HDAC9: variants seen among roughly 807,000 people sequenced by gnomAD.
HDAC9 encodes the protein MEF-2 interacting transcription repressor (MITR) protein.
A neutral mutation model predicts 139.4 loss-of-function variants in HDAC9; 41 were observed. The ratio of observed to expected loss-of-function variants is 0.29; its 90% CI spans 0.23 to 0.38. The LOEUF (loss-of-function observed/expected upper bound fraction) is 0.38. Among genes scored for constraint, HDAC9 ranks in the 10% least tolerant of loss-of-function variants. The probability of loss-of-function intolerance (pLI) is 1.00; values close to 1 mark genes in which losing one functional copy is unlikely to be tolerated. For synonymous variants in HDAC9, 517 were observed against 476.2 expected (o/e 1.09, Z -1.12); for missense variants, 1,147 against 1,297.0 (o/e 0.88, Z 1.78).
chr7:18,886,716 T>C (rs1018364654), intron 22 of HDAC9, among the ~76,000 whole-genome samples: 1 of 152,176 alleles, frequency 6.6e-6, no homozygotes, highest in Non-Finnish European at 1.5e-5. Context: ...TTTACAGACT[T>C]CCAGTGACTG....
At chr7:18,726,454 C>T (rs1481738399) in intron 12 of HDAC9, among the ~76,000 whole-genome samples, 1 of 152,142 alleles carries the variant, frequency 6.6e-6, no homozygotes, top group African/African-American at 2.4e-5. Flanking sequence ...GAAGCAGAAG[C>T]AGAAGAGCAC....
At chr7:18,902,366 G>C (rs140257252) in intron 22 of HDAC9, among the ~76,000 whole-genome samples, 1 of 152,086 alleles carries the variant, frequency 6.6e-6, no homozygotes, top group African/African-American at 2.4e-5. Flanking sequence ...ATCTGTGGAG[G>C]GGTAGGGGAA....
intron 2 of HDAC9, among the ~76,000 whole-genome samples, chr7:18,186,219 T>C (rs1299298609): frequency 1.3e-5 from 2 of 152,190 alleles, no homozygotes; most frequent in East Asian, 3.8e-4. Context: ...GGTAACAAGG[T>C]AGCGCTAACC....
At chr7:18,938,357 A>G (rs1781796135) in intron 23 of HDAC9, among the ~76,000 whole-genome samples, 1 of 151,618 alleles carries the variant, frequency 6.6e-6, no homozygotes, top group Non-Finnish European at 1.5e-5. Context: ...GCACTTTGGG[A>G]GGCCGAGGCG....
intron 6 of HDAC9, among the ~76,000 whole-genome samples, chr7:18,603,721 T>C (rs1834612910): frequency 6.6e-6 from 1 of 152,130 alleles, no homozygotes; most frequent in Non-Finnish European, 1.5e-5. Context: ...TAAAAGATTT[T>C]CTTTTACCTT....
At chr7:18,896,205 A>G (rs990522992) in intron 22 of HDAC9, among the ~76,000 whole-genome samples, 5 of 152,102 alleles carry the variant, frequency 3.3e-5, no homozygotes, top group Non-Finnish European at 7.4e-5. Context: ...ATGGACAAAT[A>G]TTTATATTTA....
At chr7:18,785,483 G>C (rs1422468213) in intron 16 of HDAC9, among the ~76,000 whole-genome samples, 1 of 152,102 alleles carries the variant, frequency 6.6e-6, no homozygotes, top group East Asian at 1.9e-4. Flanking sequence ...CTGTCATTGA[G>C]ATCCACTGCT....
chr7:18,732,732 TGTATGTGTGCGTATGTGTACACACAC>T lies in HDAC9; in HGVS notation c.1909+4978_1909+5003del, dbSNP rs1562892373. Among the ~76,000 whole-genome samples, 45 of 103,840 alleles carry T rather than the reference TGTATGTGTGCGTATGTGTACACACAC, an allele frequency of 4.3e-4. 2 individuals are homozygous for T. The highest frequency in any genetic ancestry group is 9.8e-4 in the African/African-American group (19 of 19,318). 68.1% of individuals were successfully genotyped at this position (103,840 alleles called of 152,430 possible). On this transcript the variant is annotated intron_variant, in intron 13 of 25. Transcript: ENST00000686413. ...GTGCGTATGTGTACACACACACACG[TGTATGTGTGCGTATGTGTACACACAC>T]GTGTATGTGTGCGTATGTGTACACA...
At chr7:18,361,908 A>G (rs967730732) in intron 1 of HDAC9, among the ~76,000 whole-genome samples, 5 of 151,858 alleles carry the variant, frequency 3.3e-5, no homozygotes, top group Non-Finnish European at 7.4e-5. Context: ...TTTTCCTCCA[A>G]GTGTTCCTTA....
chr7:18,105,802 T>C (rs552006289), intron 1 of HDAC9, among the ~76,000 whole-genome samples: 8 of 152,238 alleles, frequency 5.3e-5, no homozygotes, highest in African/African-American at 1.9e-4. Flanking sequence ...CCATTTATAA[T>C]AGCCAGAAAG....
intron 22 of HDAC9, among the ~76,000 whole-genome samples, chr7:18,906,588 G>A (rs1802283354): frequency 1.3e-5 from 2 of 152,150 alleles, no homozygotes; most frequent in South Asian, 4.1e-4. Flanking sequence ...TCTATGGTGG[G>A]GAAAATGATG....
chr7:18,656,863 C>T (rs1245339034), intron 11 of HDAC9, among the ~76,000 whole-genome samples: 1 of 152,114 alleles, frequency 6.6e-6, no homozygotes, highest in Admixed American at 6.6e-5. Flanking sequence ...AACCTCCAGA[C>T]TGTTCTCCAT....
intron 21 of HDAC9, among the ~76,000 whole-genome samples, chr7:18,859,850 A>ATGTGTGTGTGTGTGTGTGTGTG (rs1157775071): frequency 6.5e-5 from 8 of 123,416 alleles, no homozygotes; most frequent in South Asian, 5.0e-4. Flanking sequence ...ATATATATAT[A>ATGTGTGTGTGTGTGTGTGTGTG]TATATATATG....
intron 22 of HDAC9, among the ~76,000 whole-genome samples, chr7:18,918,044 G>A (rs569876522): frequency 1.5e-3 from 231 of 152,150 alleles, no homozygotes; most frequent in African/African-American, 5.2e-3. Context: ...AGGAGAAACC[G>A]AGGATGACGG....
chr7:18,773,364 TACACACACACACACAC>T (rs4043674), intron 16 of HDAC9, among the ~76,000 whole-genome samples: 24,004 of 142,778 alleles, frequency 0.17, 2,592 homozygotes, highest in East Asian at 0.57. Flanking sequence ...AAAAACTGTA[TACACACACACACACAC>T]ACACACACAC....
At chr7:18,451,363 ATG>A (rs777175954) in intron 1 of HDAC9, among the ~76,000 whole-genome samples, 7 of 71,720 alleles carry the variant, frequency 9.8e-5, no homozygotes, top group Non-Finnish European at 1.7e-4. Context: ...ACACATGTAT[ATG>A]TGCGTGTGTG....
At chr7:18,861,145 A>C (rs1024515548) in intron 21 of HDAC9, among the ~76,000 whole-genome samples, 4 of 152,200 alleles carry the variant, frequency 2.6e-5, no homozygotes, top group Admixed American at 6.5e-5. Flanking sequence ...TTTTTGGCAT[A>C]TTAAAATTCA....
intron 2 of HDAC9, among the ~76,000 whole-genome samples, chr7:18,175,351 A>C (rs1788802625): frequency 6.6e-6 from 1 of 152,186 alleles, no homozygotes. Context: ...CCGTTTTTCC[A>C]GGTACCATCT....
At chr7:18,412,159 C>A (rs1788628219) in intron 1 of HDAC9, among the ~76,000 whole-genome samples, 2 of 151,970 alleles carry the variant, frequency 1.3e-5, no homozygotes, top group Admixed American at 1.3e-4. Flanking sequence ...GTATGATGGG[C>A]TTATAGGGTT....
Sources: gnomAD v4.1 joint callset for allele counts (sites outside exome capture counted in the v4.1 genomes callset) on GRCh38, gnomAD v4.1.1 for gene constraint, MANE v1.5 for transcripts, NCBI Gene and HGNC (gene_info 2026-07-23, HGNC 2026-07-21) for gene names.